The following CLCN1 variants were observed in gnomAD, a reference collection of about 807,000 sequenced individuals.
CLCN1 encodes chloride channel protein 1.
A neutral mutation model predicts 114.5 loss-of-function variants in CLCN1; 100 were observed. The ratio of observed to expected loss-of-function variants is 0.87; its 90% CI spans 0.74 to 1.03. The LOEUF is 1.03. Among genes scored for constraint, CLCN1 ranks in the 50% least tolerant of loss-of-function variants. The pLI, the probability that CLCN1 is intolerant of heterozygous loss-of-function variation, is 0.00. For synonymous variants in CLCN1, 485 were observed against 487.1 expected (o/e 1.00, Z 0.06); for missense variants, 1,188 against 1,250.0 (o/e 0.95, Z 0.75).
At position 143,339,382 on chromosome 7, in the gene CLCN1, C is replaced by G. The variant is rs1803016187; in HGVS notation, c.1471+60C>G. 6.9e-7 allele frequency: 1 copy of G among 1,441,668 alleles called. No homozygotes were observed. The highest frequency in any genetic ancestry group is 2.3e-5 in the East Asian group (1 of 44,120). 89.3% of individuals were successfully genotyped at this position (1,441,668 alleles called of 1,614,324 possible). A position where few individuals can be genotyped will look rare whatever the true frequency, so the allele number is the denominator to read the frequency against. ...GAGTTGCAATCTAGGATACAGGAAA[C>G]ATAAGGAAAGGCCCGGGATGCTGGG... On this transcript the variant is annotated intron_variant, in intron 13 of 22. Transcript: ENST00000343257. The surrounding 1 kb of genome is among the most constrained non-coding windows in gnomAD (Gnocchi z 4.1).
chr7:143,349,157 C>T (rs1054365834), intron 20 of CLCN1, among the ~76,000 whole-genome samples: 3 of 152,154 alleles, frequency 2.0e-5, no homozygotes, highest in Admixed American at 6.6e-5. Flanking sequence ...ACCAAGAGGA[C>T]GGGATGGACC....
intron 17 of CLCN1, 78 bp from the exon 18 acceptor site, chr7:143,346,062 C>A: frequency 2.0e-6 from 2 of 1,005,102 alleles, no homozygotes; most frequent in Non-Finnish European, 3.2e-6. Flanking sequence ...TTTCCCAGAA[C>A]ATCCACCAAC....
intron 12 of CLCN1, among the ~76,000 whole-genome samples, chr7:143,335,653 G>A (rs1802857346): frequency 7.5e-6 from 1 of 133,356 alleles, no homozygotes; most frequent in Non-Finnish European, 1.6e-5. Flanking sequence ...TCTCAATTCA[G>A]CTGTTTTGTT....
chr7:143,349,818 G>A (rs1803347977), intron 20 of CLCN1, among the ~76,000 whole-genome samples: 1 of 152,210 alleles, frequency 6.6e-6, no homozygotes, highest in Non-Finnish European at 1.5e-5. Context: ...AATACAGCAG[G>A]AAGTATGGCC....
In CLCN1 at chr7:143,321,545, C is replaced by T; in HGVS notation, c.562+52C>T. 6.2e-7 allele frequency: 1 copy of T among 1,613,114 alleles called. No individual in the cohort carries two copies. The highest frequency in any genetic ancestry group is 8.5e-7 in the Non-Finnish European group (1 of 1,179,784). On this transcript the variant is annotated intron_variant, in intron 4 of 22. Transcript: ENST00000343257. The surrounding 1 kb of genome is among the most constrained non-coding windows in gnomAD (Gnocchi z 4.2). The stretch of plus-strand genomic sequence containing the variant: ...TGAGCTGGGTGGCCTGAGAGGGGCC[C>T]TGTCTGTCTCCCCCATCATCCAGCC...
chr7:143,331,891 C>T (rs554077569), intron 10 of CLCN1, among the ~76,000 whole-genome samples: 21 of 152,140 alleles, frequency 1.4e-4, no homozygotes, highest in African/African-American at 4.6e-4. Context: ...TGCAGTGGTG[C>T]GATCTCAGCT....
chr7:143,324,005 C>G lies in CLCN1; in HGVS notation c.775-409C>G, dbSNP rs537686799. On this transcript the variant is annotated intron_variant, in intron 6 of 22. Coordinates refer to ENST00000343257, the MANE Select transcript of CLCN1 (RefSeq NM_000083.3). The surrounding 1 kb of genome is among the most constrained non-coding windows in gnomAD (Gnocchi z 4.6). ...GGGCATCCAGGGAATGACTGTGGATCACAGCCCCTGCGGTCCAGATACCTA... is the reference window on the plus strand; with the variant it reads ...GGGCATCCAGGGAATGACTGTGGATGACAGCCCCTGCGGTCCAGATACCTA... 1 of 394,476 alleles carries G rather than the reference C, an allele frequency of 2.5e-6. No individual in the cohort carries two copies. The highest frequency in any genetic ancestry group is 7.0e-5 in the East Asian group (1 of 14,316). 24.4% of individuals were successfully genotyped at this position (394,476 alleles called of 1,614,324 possible).
At chr7:143,317,824 G>T (rs777828113) in intron 1 of CLCN1, among the ~76,000 whole-genome samples, 6 of 152,108 alleles carry the variant, frequency 3.9e-5, no homozygotes, top group Non-Finnish European at 8.8e-5. Context: ...GGTCTGACTA[G>T]GCCTTTGAAC....
chr7:143,351,428 G>A (rs1803396819), intron 22 of CLCN1, among the ~76,000 whole-genome samples, 166 bp from the exon 23 acceptor site: 1 of 152,184 alleles, frequency 6.6e-6, no homozygotes, highest in Admixed American at 6.5e-5. Flanking sequence ...TTCTTTCTCT[G>A]ATTGTTCCTT....
chr7:143,345,995 C>G (rs977077991), intron 17 of CLCN1, 145 bp from the exon 18 acceptor site: 4 of 796,792 alleles, frequency 5.0e-6, no homozygotes, highest in Admixed American at 2.0e-5. Context: ...TGATGGTATC[C>G]TCGACAATTC....
chr7:143,318,849 G>A (rs1185150153), intron 1 of CLCN1, among the ~76,000 whole-genome samples: 1 of 152,194 alleles, frequency 6.6e-6, no homozygotes, highest in African/African-American at 2.4e-5. Context: ...ACAGCCATGA[G>A]CAGGGCAATT....
At position 143,316,217 on chromosome 7, in the gene CLCN1, A is replaced by C; in HGVS notation, c.5A>C (p.Glu2Ala). M[E>A]QSRSQQRGGE... ...CGGGGCTCGGGGGGAGGGAATATGG[A>C]GCAATCCCGGTCACAGCAGCGTGGG... The change falls in exon 1 of 23, where the codon GAG becomes GCG. Residue 2 changes from glutamate (E) to alanine (A), a missense_variant. By Grantham distance (107) the Glu-to-Ala change is moderately radical. Transcript: ENST00000343257. 6.2e-7 allele frequency: 1 copy of C among 1,612,528 alleles called. No homozygotes were observed. The highest frequency in any genetic ancestry group is 8.5e-7 in the Non-Finnish European group (1 of 1,179,182).
Position 143,319,787 on chromosome 7 carries a change from C to T in CLCN1, c.213C>T (p.Asp71=). 1 of 1,613,768 alleles carries T rather than the reference C, an allele frequency of 6.2e-7. No homozygotes were observed. The highest frequency in any genetic ancestry group is 8.5e-7 in the Non-Finnish European group (1 of 1,179,676). The change falls in exon 2 of 23, where the codon GAC becomes GAT. Residue 71 remains aspartate, a synonymous_variant. Transcript: ENST00000343257. The part of the protein sequence containing the change: ...IYGHHKEQFS[D]REQDIGMPKK... ...GCCATCACAAAGAACAATTCTCAGA[C>T]AGGGAGCAGGACATAGGGATGCCCA...
Position 143,347,265 on chromosome 7 carries a change from T to A in CLCN1, c.2403+316T>A, listed in dbSNP as rs73456454. ...CTTTCTGGATCAGGCAAAGCTTTAA[T>A]GGAGGTAAAATGGCACCAGGAGGCT... On this transcript the variant is annotated intron_variant, in intron 20 of 22. Coordinates refer to ENST00000343257, the MANE Select transcript of CLCN1 (RefSeq NM_000083.3). Among the ~76,000 whole-genome samples, 307 of 152,164 alleles carry A rather than the reference T, an allele frequency of 2.0e-3. 2 individuals are homozygous for A. The highest frequency in any genetic ancestry group is 7.2e-3 in the African/African-American group (297 of 41,514).
rs546705930 is a variant in CLCN1, at chr7:143,324,055, A to G, written c.775-359A>G. 6.6e-6 allele frequency among the ~76,000 whole-genome samples: 1 copy of G among 152,256 alleles called. No homozygotes were observed. The highest frequency in any genetic ancestry group is 3.4e-3 in the Middle Eastern group (1 of 294). On this transcript the variant is annotated intron_variant, in intron 6 of 22. Coordinates refer to ENST00000343257, the MANE Select transcript of CLCN1 (RefSeq NM_000083.3). The surrounding 1 kb of genome is among the most constrained non-coding windows in gnomAD (Gnocchi z 4.6). ...ATATTTTTTCAGCAAAGGGCTGTGTATTATTTTGAGACTGCTTGCTGTTTG... is the reference window on the plus strand; with the variant it reads ...ATATTTTTTCAGCAAAGGGCTGTGTGTTATTTTGAGACTGCTTGCTGTTTG...
intron 12 of CLCN1, among the ~76,000 whole-genome samples, chr7:143,333,310 A>AG (rs113065563): frequency 9.9e-5 from 15 of 152,042 alleles, no homozygotes; most frequent in African/African-American, 3.1e-4. Context: ...CAAAAAAAAA[A>AG]AAAAAAATTA....
At chr7:143,336,547 T>G (rs1157270575) in intron 12 of CLCN1, among the ~76,000 whole-genome samples, 22 of 129,762 alleles carry the variant, frequency 1.7e-4, no homozygotes, top group African/African-American at 6.2e-4. Flanking sequence ...GAGCCAGAGG[T>G]GGCAGTGAGC....
chr7:143,342,794 C>A (rs1276779797), intron 16 of CLCN1, among the ~76,000 whole-genome samples: 1 of 152,086 alleles, frequency 6.6e-6, no homozygotes, highest in African/African-American at 2.4e-5. Flanking sequence ...CATGGAGAAA[C>A]CCTGTCTCTA....
rs1554435603 is a variant in CLCN1 at position 143,326,008 on chromosome 7, T to TTTTTG, written c.853+1519_853+1520insTGTTT. ...ATTTGCAGGTGGCATTACTTGTTTT[T>TTTTTG]TTTGTTTGTTTGTTTGTTTGTTTGT... On this transcript the variant is annotated intron_variant, in intron 7 of 22. Transcript: ENST00000343257. Among the ~76,000 whole-genome samples the TTTTTG allele has an allele frequency of 6.7e-4, 102 of 152,070 alleles. 1 individual carries two copies. The highest frequency in any genetic ancestry group is 2.2e-3 in the African/African-American group (92 of 41,386).
Sources: allele counts gnomAD v4.1 joint callset (sites outside exome capture counted in the v4.1 genomes callset), GRCh38; gene constraint gnomAD v4.1.1; non-coding constraint Gnocchi (gnomAD v3.1); transcripts MANE v1.5; gene names NCBI Gene and HGNC (gene_info 2026-07-23, HGNC 2026-07-21).